The following DAPK2 variants were observed in gnomAD, a reference collection of about 807,000 sequenced individuals.
DAPK2 encodes the protein death-associated protein kinase 2.
In DAPK2, 35 loss-of-function variants were observed where a neutral mutation model predicts 44.1. That is an observed-to-expected ratio of 0.79 (90% confidence interval 0.61 to 1.05). DAPK2 has a LOEUF of 1.05. Among genes scored for constraint, DAPK2 ranks in the 50% least tolerant of loss-of-function variants. The pLI is 0.00. For synonymous variants in DAPK2, 174 were observed against 182.6 expected (o/e 0.95, Z 0.38); for missense variants, 453 against 483.2 (o/e 0.94, Z 0.59).
At chr15:64,046,456 A>AC (rs1261239509), upstream of DAPK2, 1 of 203,056 alleles carries the variant, frequency 4.9e-6, no homozygotes, top group Non-Finnish European at 8.5e-6. The surrounding 1 kb of genome is among the most constrained non-coding windows in gnomAD (Gnocchi z 5.3). Flanking sequence ...AGCGCCCGGC[A>AC]CCCGCCCGCC....
At chr15:63,989,940 C>T (rs2078772652) in intron 1 of DAPK2, among the ~76,000 whole-genome samples, 1 of 152,176 alleles carries the variant, frequency 6.6e-6, no homozygotes, top group African/African-American at 2.4e-5. Flanking sequence ...GATCTGCCCG[C>T]CTAGGCCTCC....
At chr15:64,014,033 A>T (rs1425750462) in intron 1 of DAPK2, among the ~76,000 whole-genome samples, 1 of 152,228 alleles carries the variant, frequency 6.6e-6, no homozygotes. Flanking sequence ...AGGTTGCACC[A>T]ACACAGGTCA....
chr15:63,922,821 T>C (rs1171944798), intron 8 of DAPK2: 2 of 1,535,902 alleles, frequency 1.3e-6, no homozygotes, highest in African/African-American at 1.4e-5. Context: ...TGGTAGAATG[T>C]GGAGCCCAGG....
intron 3 of DAPK2, among the ~76,000 whole-genome samples, chr15:63,964,191 T>C (rs1202009626): frequency 6.6e-6 from 1 of 152,210 alleles, no homozygotes. Flanking sequence ...TATTTCTCCT[T>C]TATGTTTGAA....
At position 63,948,068 on chromosome 15, in the gene DAPK2, G is replaced by C. The variant is rs1464737382; in HGVS notation, c.454-8707C>G. Among the ~76,000 whole-genome samples the C allele has an allele frequency of 2.6e-5, 4 of 152,020 alleles. No homozygotes were observed. In the East Asian group the frequency reaches 7.7e-4, roughly 29 times the overall value. On this transcript the variant is annotated intron_variant, in intron 3 of 10. Transcript: ENST00000261891. Reference sequence around the variant, plus strand: ...AAAGCACCTGAGGTCGGGAGTTCAAGACCAGCCTGGCCAACATAGCGAAAC... The same window carrying C: ...AAAGCACCTGAGGTCGGGAGTTCAACACCAGCCTGGCCAACATAGCGAAAC...
intron 5 of DAPK2, 37 bp from the exon 7 acceptor site, chr15:63,929,614 G>A (rs2079454683): frequency 2.5e-6 from 4 of 1,613,540 alleles, no homozygotes; most frequent in African/African-American, 1.3e-5. Context: ...GGGCCACCTG[G>A]GTCCCATCCC....
At chr15:64,007,497 C>T (rs536560419) in intron 1 of DAPK2, among the ~76,000 whole-genome samples, 1 of 152,288 alleles carries the variant, frequency 6.6e-6, no homozygotes, top group South Asian at 2.1e-4. Flanking sequence ...CTCCTGATCT[C>T]CCAGCCTCAG....
intron 7 of DAPK2, among the ~76,000 whole-genome samples, chr15:63,925,524 T>C (rs1290254375): frequency 6.6e-6 from 1 of 152,110 alleles, no homozygotes; most frequent in African/African-American, 2.4e-5. Context: ...ACCATCCCAC[T>C]GTACTGACCT....
At chr15:63,941,277 C>CA (rs754021173) in intron 3 of DAPK2, among the ~76,000 whole-genome samples, 5 of 152,210 alleles carry the variant, frequency 3.3e-5, no homozygotes, top group Non-Finnish European at 7.3e-5. Context: ...CCACCACCCC[C>CA]AGGAGTGAGC....
At chr15:63,931,203 C>T (rs2079543722) in intron 4 of DAPK2, among the ~76,000 whole-genome samples, 2 of 152,196 alleles carry the variant, frequency 1.3e-5, no homozygotes, top group Admixed American at 1.3e-4. Context: ...GCACCTTGAC[C>T]TTGGACTTCC....
At chr15:64,017,590 C>T (rs1205254972) in intron 1 of DAPK2, among the ~76,000 whole-genome samples, 2 of 152,200 alleles carry the variant, frequency 1.3e-5, no homozygotes, top group Non-Finnish European at 2.9e-5. Context: ...GTCAGAAAGC[C>T]TTGACTCAAC....
At chr15:63,919,230 A>G (rs2079008054) in intron 8 of DAPK2, 1 of 152,204 alleles carries the variant, frequency 6.6e-6, no homozygotes, top group Non-Finnish European at 1.5e-5. Flanking sequence ...CTTTGTACAG[A>G]AAAAGGTCTG....
chr15:63,959,863 C>A (rs1474421401), intron 3 of DAPK2, among the ~76,000 whole-genome samples: 7 of 152,120 alleles, frequency 4.6e-5, no homozygotes, highest in African/African-American at 1.2e-4. Flanking sequence ...ATGATGTTGG[C>A]CTCATAAAAT....
At chr15:64,009,624 G>T (rs889663210) in intron 1 of DAPK2, among the ~76,000 whole-genome samples, 2 of 152,120 alleles carry the variant, frequency 1.3e-5, no homozygotes, top group African/African-American at 2.4e-5. Context: ...TTAAGTTCAA[G>T]TTCCAGCTCC....
rs962841712 is a variant in DAPK2 at position 63,923,591 on chromosome 15, A to G, written c.858+1225T>C. ...AGCCATTAGAGAGAGCTCCACACAC[A>G]TAGCATTTAAGGGGTGCTCACGCAG... is the stretch of plus-strand genomic sequence containing the variant. On this transcript the variant is annotated intron_variant, in intron 8 of 10. Transcript: ENST00000261891. The surrounding 1 kb of genome is among the most constrained non-coding windows in gnomAD (Gnocchi z 4.2). Among the ~76,000 whole-genome samples the G allele has an allele frequency of 6.6e-6, 1 of 152,230 alleles. No homozygotes were observed. The highest frequency in any genetic ancestry group is 2.4e-5 in the African/African-American group (1 of 41,460).
At chr15:63,944,174 G>T (rs1041055749) in intron 3 of DAPK2, among the ~76,000 whole-genome samples, 5 of 152,152 alleles carry the variant, frequency 3.3e-5, no homozygotes, top group African/African-American at 1.2e-4. Context: ...AAGCCTGGGG[G>T]TTTCAGGCTG....
chr15:63,942,103 C>T (rs1266695538), intron 3 of DAPK2: 1 of 597,440 alleles, frequency 1.7e-6, no homozygotes, highest in Non-Finnish European at 2.1e-6. Context: ...GGGTGGGAGC[C>T]AGACCTGGTG....
intron 1 of DAPK2, among the ~76,000 whole-genome samples, chr15:64,021,939 C>G (rs2079694443): frequency 6.6e-6 from 1 of 152,110 alleles, no homozygotes; most frequent in Non-Finnish European, 1.5e-5. Context: ...GCAGAGTGGG[C>G]AAAGCAATGA....
At chr15:63,999,783 T>C (rs1595875483) in intron 1 of DAPK2, among the ~76,000 whole-genome samples, 1 of 152,178 alleles carries the variant, frequency 6.6e-6, no homozygotes. Context: ...TTATTTTTTT[T>C]GAGACAGGGT....
Sources: allele counts gnomAD v4.1 joint callset (sites outside exome capture counted in the v4.1 genomes callset), GRCh38; gene constraint gnomAD v4.1.1; non-coding constraint Gnocchi (gnomAD v3.1); transcripts MANE v1.5; gene names NCBI Gene and HGNC (gene_info 2026-07-23, HGNC 2026-07-21).